The following BIRC6 variants were observed in gnomAD, a reference collection of about 807,000 sequenced individuals.
The protein encoded by BIRC6 is dual E2 ubiquitin-conjugating enzyme/E3 ubiquitin-protein ligase BIRC6.
In BIRC6, 98 loss-of-function variants were observed where a neutral mutation model predicts 503.3. The ratio of observed to expected loss-of-function variants is 0.19; its 90% CI spans 0.17 to 0.23. BIRC6 has a LOEUF of 0.23. Ranked by LOEUF, BIRC6 falls within the 10% of genes least tolerant of loss-of-function variation. The pLI, the probability that BIRC6 is intolerant of heterozygous loss-of-function variation, is 1.00. For synonymous variants in BIRC6, 2,240 were observed against 2,078.7 expected (o/e 1.08, Z -2.11); for missense variants, 5,360 against 5,806.0 (o/e 0.92, Z 2.50).
chr2:32,461,073 C>CTCT (rs1558790099), intron 23 of BIRC6, among the ~76,000 whole-genome samples: 54 of 4,448 alleles, frequency 0.012, no homozygotes, highest in African/African-American at 0.015. Flanking sequence ...TTCTGTTCTC[C>CTCT]TCTCCTCTCC....
intron 1 of BIRC6, among the ~76,000 whole-genome samples, chr2:32,367,709 G>A (rs1201826247): frequency 2.0e-5 from 3 of 151,938 alleles, no homozygotes; most frequent in East Asian, 1.9e-4. Flanking sequence ...CCAGCTACTC[G>A]GGAGGCTGAG....
At chr2:32,369,996 ATGTG>A (rs1179794635) in intron 1 of BIRC6, among the ~76,000 whole-genome samples, 9 of 111,926 alleles carry the variant, frequency 8.0e-5, no homozygotes, top group African/African-American at 2.0e-4. Flanking sequence ...GTATGTATGT[ATGTG>A]TGTGTATATA....
intron 49 of BIRC6, 29 bp downstream of exon 49, chr2:32,503,265 A>C (rs1197877922): frequency 2.5e-5 from 38 of 1,550,246 alleles, no homozygotes; most frequent in Non-Finnish European, 3.3e-5. Context: ...AATCTTACTT[A>C]TGTGAAATTA....
At chr2:32,380,976 T>G (rs970559015) in intron 3 of BIRC6, among the ~76,000 whole-genome samples, 1 of 152,156 alleles carries the variant, frequency 6.6e-6, no homozygotes, top group Non-Finnish European at 1.5e-5. Flanking sequence ...TGAAATTTTT[T>G]GGCATACTGG....
chr2:32,491,275 G>C (rs2051672378), intron 43 of BIRC6, 150 bp from the exon 44 acceptor site: 1 of 739,586 alleles, frequency 1.4e-6, no homozygotes, highest in South Asian at 2.4e-5. Flanking sequence ...GTCCTGCTTA[G>C]TCAATATAGT....
chr2:32,579,925 A>G (rs931913375), intron 66 of BIRC6, among the ~76,000 whole-genome samples: 2 of 151,290 alleles, frequency 1.3e-5, no homozygotes, highest in African/African-American at 4.9e-5. Flanking sequence ...AGGGGCTGAC[A>G]TATAAATGGG....
chr2:32,460,268 ATATATT>A (rs1223944656), intron 23 of BIRC6, among the ~76,000 whole-genome samples: 2 of 25,990 alleles, frequency 7.7e-5, no homozygotes, highest in African/African-American at 1.5e-4. Context: ...ATATATATAT[ATATATT>A]TTTTTTTTTT....
At chr2:32,591,650 T>C (rs1015854283) in intron 66 of BIRC6, among the ~76,000 whole-genome samples, 6 of 152,228 alleles carry the variant, frequency 3.9e-5, no homozygotes, top group African/African-American at 1.2e-4. Flanking sequence ...CTGCAAGATA[T>C]GTTTCTTTAA....
At chr2:32,370,614 C>G (rs745635987) in intron 1 of BIRC6, among the ~76,000 whole-genome samples, 53 of 152,104 alleles carry the variant, frequency 3.5e-4, no homozygotes, top group Admixed American at 3.4e-3. Context: ...CATTTTTTCT[C>G]TTATTAAATG....
intron 61 of BIRC6, among the ~76,000 whole-genome samples, chr2:32,537,101 AC>A: frequency 6.6e-6 from 1 of 152,160 alleles, no homozygotes; most frequent in South Asian, 2.1e-4. Flanking sequence ...TGATTTTTAC[AC>A]ATTGATTTTG....
chr2:32,504,752 T>C (rs2053612938), intron 49 of BIRC6, among the ~76,000 whole-genome samples: 1 of 152,112 alleles, frequency 6.6e-6, no homozygotes, highest in South Asian at 2.1e-4. Context: ...GCTGTGTCTT[T>C]AGTTTTCGTG....
intron 34 of BIRC6, among the ~76,000 whole-genome samples, chr2:32,476,742 A>C (rs757944386): frequency 8.5e-5 from 13 of 152,154 alleles, no homozygotes; most frequent in Non-Finnish European, 1.6e-4. Context: ...CTTTACCCTT[A>C]GTATTGTTAT....
chr2:32,611,495 A>C lies in BIRC6; in HGVS notation c.14307A>C (p.Gln4769His). The C allele has an allele frequency of 6.2e-7, 1 of 1,611,282 alleles. No homozygotes were observed. The highest frequency in any genetic ancestry group is 8.5e-7 in the Non-Finnish European group (1 of 1,178,270). ...FYLKRVEIMAQCEEWIADIQQ... is the reference protein window; with the variant it reads ...FYLKRVEIMAHCEEWIADIQQ... ...TGAAAAGAGTTGAGATAATGGCCCA[A>C]TGTGAGGAGTGGATTGCGGATATCC... The change falls in exon 73 of 74, where the codon CAA becomes CAC. Residue 4769 changes from glutamine (Q) to histidine (H), a missense_variant. Physicochemically the swap from Gln to His is conservative, Grantham distance 24 (BLOSUM62 0). Around this residue, in one of 16 missense-constraint regions of BIRC6, gnomAD observed 140 missense variants for 130.2 expected, o/e 1.07. Coordinates refer to ENST00000421745, the MANE Select transcript of BIRC6 (RefSeq NM_016252.4).
intron 53 of BIRC6, among the ~76,000 whole-genome samples, chr2:32,510,958 T>A (rs1300578989): frequency 2.0e-5 from 3 of 152,142 alleles, no homozygotes; most frequent in Non-Finnish European, 1.5e-5. Context: ...GGTATCAGAG[T>A]CATACTGTCT....
intron 66 of BIRC6, 102 bp from the exon 67 acceptor site, chr2:32,593,813 C>G: frequency 1.9e-6 from 2 of 1,035,474 alleles, no homozygotes; most frequent in South Asian, 1.8e-5. Context: ...ATGTGTGTGA[C>G]AAATGAAATG....
intron 10 of BIRC6, among the ~76,000 whole-genome samples, chr2:32,428,634 A>C (rs140939091): frequency 6.6e-6 from 1 of 152,310 alleles, no homozygotes; most frequent in Non-Finnish European, 1.5e-5. Flanking sequence ...TTTTTGTCTT[A>C]ATTAAAGCTA....
At chr2:32,562,789 G>A (rs991527834) in intron 65 of BIRC6, among the ~76,000 whole-genome samples, 21 of 151,798 alleles carry the variant, frequency 1.4e-4, no homozygotes, top group Non-Finnish European at 2.8e-4. Flanking sequence ...CTTTTTTATC[G>A]CTGAAAAATA....
intron 30 of BIRC6, among the ~76,000 whole-genome samples, 196 bp downstream of exon 30, chr2:32,469,810 C>G (rs1353380842): frequency 1.3e-5 from 2 of 152,134 alleles, no homozygotes; most frequent in African/African-American, 2.4e-5. Context: ...AGAGTCTACT[C>G]TTTAGTTTTC....
intron 72 of BIRC6, among the ~76,000 whole-genome samples, chr2:32,607,975 C>CAA (rs35242178): frequency 0.045 from 2,344 of 51,724 alleles, 69 homozygotes; most frequent in East Asian, 0.091. Flanking sequence ...ACTCCATCTC[C>CAA]AAAAAAAAAA....
Sources: gnomAD v4.1 joint callset for allele counts (sites outside exome capture counted in the v4.1 genomes callset) on GRCh38, gnomAD v4.1.1 for gene constraint, gnomAD v4.1.1 regional missense constraint, MANE v1.5 for transcripts, NCBI Gene and HGNC (gene_info 2026-07-23, HGNC 2026-07-21) for gene names.